Variants in KANSL1L observed in about 807,000 individuals in gnomAD.
The protein encoded by KANSL1L is KAT8 regulatory NSL complex subunit 1-like protein.
Under a neutral mutation model 108.6 loss-of-function variants are expected in KANSL1L, and 25 were observed. The ratio of observed to expected loss-of-function variants is 0.23; its 90% CI spans 0.17 to 0.32. The LOEUF is 0.32. Ranked by LOEUF, KANSL1L falls within the 10% of genes least tolerant of loss-of-function variation. The pLI is 1.00. For missense variants in KANSL1L, 1,137 were observed against 1,125.7 expected, an observed-to-expected ratio of 1.01 and a Z score of -0.14; for synonymous variants, 405 against 395.1, an observed-to-expected ratio of 1.03 and a Z score of -0.30.
At chr2:210,108,716 TCC>T (rs1457194957) in intron 3 of KANSL1L, among the ~76,000 whole-genome samples, 1 of 152,196 alleles carries the variant, frequency 6.6e-6, no homozygotes, top group Non-Finnish European at 1.5e-5. Context: ...AACTGAAGGC[TCC>T]TGTAAAGATA....
intron 8 of KANSL1L, among the ~76,000 whole-genome samples, chr2:210,033,695 A>AT (rs10679778): frequency 0.43 from 57,484 of 132,810 alleles, 12,789 homozygotes; most frequent in Middle Eastern, 0.55. Context: ...ACGCCCGGCT[A>AT]TTTTTTTTTT....
rs1294797043 is a variant in KANSL1L at position 210,021,799 on chromosome 2, A to G, written c.*1150T>C. 1.3e-5 allele frequency: 2 copies of G among 151,872 alleles called. No homozygotes were observed. Among genetic ancestry groups the G allele is most frequent in the African/African-American group, 4.8e-5 (2 of 41,362 alleles). 9.4% of individuals were successfully genotyped at this position (151,872 alleles called of 1,614,324 possible). A position where few individuals can be genotyped will look rare whatever the true frequency, so the allele number is the denominator to read the frequency against. ...GGAAAAAAATGGTTTAATAGCTTCAAAAGGAATTTTCTTTCATGTATACTC... is the reference window on the plus strand; with the variant it reads ...GGAAAAAAATGGTTTAATAGCTTCAGAAGGAATTTTCTTTCATGTATACTC... On this transcript the variant is annotated 3_prime_UTR_variant, in exon 15 of 15. Transcript: ENST00000281772.
At chr2:210,055,944 A>T (rs551594837) in intron 6 of KANSL1L, among the ~76,000 whole-genome samples, 169 of 152,368 alleles carry the variant, frequency 1.1e-3, no homozygotes, top group Non-Finnish European at 2.0e-3. Context: ...CACCAAGACA[A>T]TGGGGAAAAT....
intron 4 of KANSL1L, among the ~76,000 whole-genome samples, chr2:210,103,308 CG>C (rs1186745768): frequency 7.9e-6 from 1 of 126,856 alleles, no homozygotes; most frequent in Non-Finnish European, 1.6e-5. Flanking sequence ...CATCACACAC[CG>C]GGGCCTGTCA....
intron 1 of KANSL1L, among the ~76,000 whole-genome samples, chr2:210,168,485 C>G (rs1360641184): frequency 6.6e-6 from 1 of 152,056 alleles, no homozygotes; most frequent in African/African-American, 2.4e-5. Flanking sequence ...AATAAAGGAA[C>G]TTCAGATAGC....
At chr2:210,139,139 A>G (rs1334562830) in intron 2 of KANSL1L, among the ~76,000 whole-genome samples, 1 of 152,114 alleles carries the variant, frequency 6.6e-6, no homozygotes, top group Non-Finnish European at 1.5e-5. Context: ...GCATTCAATT[A>G]TGTCTCAATA....
intron 8 of KANSL1L, 160 bp downstream of exon 8, chr2:210,040,257 GTTC>G: frequency 3.7e-6 from 2 of 542,110 alleles, no homozygotes. Flanking sequence ...TGTTAAGATT[GTTC>G]TTGTATTTTA....
At chr2:210,161,629 C>T (rs1222051885) in intron 1 of KANSL1L, among the ~76,000 whole-genome samples, 1 of 151,956 alleles carries the variant, frequency 6.6e-6, no homozygotes, top group Non-Finnish European at 1.5e-5. Flanking sequence ...TAAAATAGAA[C>T]TGTTGGGAAC....
At chr2:210,148,917 A>G (rs2095283612) in intron 2 of KANSL1L, among the ~76,000 whole-genome samples, 2 of 152,112 alleles carry the variant, frequency 1.3e-5, no homozygotes, top group African/African-American at 4.8e-5. Context: ...CTAAAATTTT[A>G]AGGTAAATAT....
intron 2 of KANSL1L, among the ~76,000 whole-genome samples, chr2:210,147,466 AAAAAT>A (rs1330843406): frequency 6.6e-6 from 1 of 152,246 alleles, no homozygotes; most frequent in Non-Finnish European, 1.5e-5. Flanking sequence ...AAATAAAAAT[AAAAAT>A]AAAATATTTC....
chr2:210,152,643 A>G (rs1053332289), intron 2 of KANSL1L: 1 of 152,248 alleles, frequency 6.6e-6, no homozygotes, highest in African/African-American at 2.4e-5. Context: ...TACAGCTGAC[A>G]TTATAGTTTT....
In KANSL1L at chr2:210,023,097, T is replaced by G. The variant is rs781033511; in HGVS notation, c.2816A>C (p.Gln939Pro). ...ALLCQDEKKD[Q>P]VERSSTAFHG... Reference sequence around the variant, plus strand: ...GAAAGCTGTGCTTGACCTTTCAACCTGATCCTTTTTTTCATCTTGACATAA... The same window carrying G: ...GAAAGCTGTGCTTGACCTTTCAACCGGATCCTTTTTTTCATCTTGACATAA... Residue 939 changes from glutamine (Q) to proline (P), a missense_variant, in exon 15 of 15, where the codon CAG becomes CCG. Gln to Pro is a moderately conservative substitution (Grantham distance 76). This residue lies in a region of KANSL1L where 575 missense variants were observed against 567.1 expected (regional missense o/e 1.01). Coordinates refer to ENST00000281772, the MANE Select transcript of KANSL1L (RefSeq NM_152519.4). 1 of 1,614,080 alleles carries G rather than the reference T, an allele frequency of 6.2e-7. No individual in the cohort carries two copies. Among genetic ancestry groups the G allele is most frequent in the East Asian group, 2.2e-5 (1 of 44,870 alleles).
intron 1 of KANSL1L, among the ~76,000 whole-genome samples, chr2:210,155,683 A>T (rs1364799679): frequency 6.6e-6 from 1 of 152,200 alleles, no homozygotes; most frequent in East Asian, 1.9e-4. Context: ...CCATATATTG[A>T]TTCGCAGAAA....
At chr2:210,116,631 C>G (rs189937872) in intron 3 of KANSL1L, among the ~76,000 whole-genome samples, 1 of 151,972 alleles carries the variant, frequency 6.6e-6, no homozygotes, top group South Asian at 2.1e-4. Flanking sequence ...GGATCTTACC[C>G]GAGACTACTG....
At chr2:210,162,531 A>G (rs1202606288) in intron 1 of KANSL1L, among the ~76,000 whole-genome samples, 1 of 152,080 alleles carries the variant, frequency 6.6e-6, no homozygotes, top group Admixed American at 6.6e-5. Context: ...ACAAGTCTGG[A>G]GTTCAAGCAA....
chr2:210,149,448 T>C (rs959510302), intron 2 of KANSL1L, among the ~76,000 whole-genome samples: 46 of 152,258 alleles, frequency 3.0e-4, no homozygotes, highest in African/African-American at 1.1e-3. Context: ...TGTTAGCACT[T>C]ATTAAAAATT....
At chr2:210,023,897 A>T (rs2093896754) in intron 14 of KANSL1L, 136 bp downstream of exon 14, 1 of 526,634 alleles carries the variant, frequency 1.9e-6, no homozygotes, top group Non-Finnish European at 3.3e-6. Flanking sequence ...AAATGCTGCA[A>T]TACAGATCTT....
intron 12 of KANSL1L, 146 bp from the exon 13 acceptor site, chr2:210,025,362 C>G (rs2093922246): frequency 4.0e-6 from 2 of 505,450 alleles, no homozygotes; most frequent in African/African-American, 2.0e-5. Context: ...CAAGACCAGC[C>G]TGGCCAAGAT....
chr2:210,105,296 T>C (rs963554888), intron 3 of KANSL1L, among the ~76,000 whole-genome samples: 5 of 148,358 alleles, frequency 3.4e-5, no homozygotes, highest in Admixed American at 1.4e-4. Context: ...GTTATATATA[T>C]ACTGATATTA....
Sources: gnomAD v4.1 joint callset for allele counts (sites outside exome capture counted in the v4.1 genomes callset) on GRCh38, gnomAD v4.1.1 for gene constraint, gnomAD v4.1.1 regional missense constraint, MANE v1.5 for transcripts, NCBI Gene and HGNC (gene_info 2026-07-23, HGNC 2026-07-21) for gene names.